VIT: variants seen among roughly 807,000 people sequenced by gnomAD.
The protein encoded by VIT is vitrin.
Under a neutral mutation model 78.0 loss-of-function variants are expected in VIT, and 99 were observed. That is an observed-to-expected ratio of 1.27 (90% CI 1.08 to 1.50). The LOEUF is 1.50. VIT is among the 40% of genes most tolerant of loss of function. VIT has a pLI of 0.00. For missense variants in VIT, 1,126 were observed against 875.3 expected (o/e 1.29, Z -3.61); for synonymous variants, 374 against 334.3 (o/e 1.12, Z -1.29).
At chr2:36,795,869 G>A (rs1478130151) in intron 12 of VIT, among the ~76,000 whole-genome samples, 1 of 152,136 alleles carries the variant, frequency 6.6e-6, no homozygotes, top group Non-Finnish European at 1.5e-5. Context: ...CAAGAAGCTG[G>A]GTTGTGGCTT....
chr2:36,807,030 TCCC>T (rs1666780862), intron 14 of VIT, among the ~76,000 whole-genome samples: 1 of 152,066 alleles, frequency 6.6e-6, no homozygotes, highest in African/African-American at 2.4e-5. Context: ...CACACACCCA[TCCC>T]AGAGGGCAGT....
intron 13 of VIT, among the ~76,000 whole-genome samples, chr2:36,804,858 T>C (rs955675822): frequency 6.6e-5 from 10 of 151,688 alleles, no homozygotes; most frequent in African/African-American, 2.4e-4. Flanking sequence ...CTTTCTCACC[T>C]GCTTGCTGTC....
chr2:36,773,693 C>A, intron 7 of VIT, 98 bp from the exon 8 acceptor site: 1 of 1,116,288 alleles, frequency 9.0e-7, no homozygotes, highest in South Asian at 2.6e-5. Flanking sequence ...CACTGCACTC[C>A]AGCTCTGGGC....
chr2:36,745,756 G>T (rs13029507), intron 4 of VIT, among the ~76,000 whole-genome samples: 6 of 151,886 alleles, frequency 4.0e-5, no homozygotes, highest in African/African-American at 1.2e-4. Context: ...GTGAAGAGAG[G>T]GAGTTTGACT....
intron 7 of VIT, among the ~76,000 whole-genome samples, chr2:36,770,218 T>C: frequency 6.6e-6 from 1 of 152,182 alleles, no homozygotes; most frequent in East Asian, 1.9e-4. Flanking sequence ...GATGAACACA[T>C]CCCATCAAGA....
In VIT at chr2:36,808,818, G is replaced by C; in HGVS notation, c.1736G>C (p.Arg579Thr). 6.2e-7 allele frequency: 1 copy of C among 1,614,206 alleles called. No individual in the cohort carries two copies. The highest frequency in any genetic ancestry group is 1.1e-5 in the South Asian group (1 of 91,086). The change falls in exon 15 of 16, where the codon AGG becomes ACG. Residue 579 changes from arginine to threonine, a missense_variant. By Grantham distance (71) the Arg-to-Thr change is moderately conservative (BLOSUM62 -1). Coordinates refer to ENST00000379242, the MANE Select transcript of VIT (RefSeq NM_053276.4). ...CCTGACATCCTCAACGCCATCAAGAGGGTGGGCTACTGGAGTGGTGGCACC... is the reference window on the plus strand; with the variant it reads ...CCTGACATCCTCAACGCCATCAAGACGGTGGGCTACTGGAGTGGTGGCACC... ...SKPDILNAIKRVGYWSGGTST... is the reference protein window; with the variant it reads ...SKPDILNAIKTVGYWSGGTST...
chr2:36,726,571 G>C (rs966397925), intron 2 of VIT, among the ~76,000 whole-genome samples: 1 of 152,086 alleles, frequency 6.6e-6, no homozygotes, highest in African/African-American at 2.4e-5. Context: ...GGCCGGGTGT[G>C]GTGGCTCATG....
chr2:36,749,860 T>C (rs958698195), intron 4 of VIT, among the ~76,000 whole-genome samples: 5 of 152,250 alleles, frequency 3.3e-5, no homozygotes, highest in Admixed American at 2.6e-4. Flanking sequence ...AGAGAAAATA[T>C]ATAAAATTCA....
intron 1 of VIT, among the ~76,000 whole-genome samples, chr2:36,699,150 C>A (rs979225338): frequency 1.3e-5 from 2 of 152,040 alleles, no homozygotes; most frequent in Non-Finnish European, 2.9e-5. Context: ...GCAGTGGGGA[C>A]AAGACAGAAC....
In VIT at chr2:36,782,367, T is replaced by C. The variant is rs533424518; in HGVS notation, c.847+596T>C. 6.6e-5 allele frequency among the ~76,000 whole-genome samples: 10 copies of C among 152,306 alleles called. 1 individual carries two copies. The South Asian group carries it at 2.1e-3, about 32-fold the overall frequency. Reference sequence around the variant, plus strand: ...AATGCTGTTAGCCACCCAAAGTGAATGTTTAAAATGATGTGAGGAAGTGGG... The same window carrying C: ...AATGCTGTTAGCCACCCAAAGTGAACGTTTAAAATGATGTGAGGAAGTGGG... On this transcript the variant is annotated intron_variant, in intron 10 of 15. Coordinates refer to ENST00000379242, the MANE Select transcript of VIT (RefSeq NM_053276.4).
chr2:36,794,833 G>C (rs1665753660), intron 12 of VIT, among the ~76,000 whole-genome samples: 1 of 151,924 alleles, frequency 6.6e-6, no homozygotes, highest in Non-Finnish European at 1.5e-5. Context: ...ATCCATCCAG[G>C]GAGGCAATAT....
intron 2 of VIT, among the ~76,000 whole-genome samples, chr2:36,728,116 AG>A: frequency 6.6e-6 from 1 of 151,846 alleles, no homozygotes; most frequent in Admixed American, 6.6e-5. Context: ...TTTTTAGTAG[AG>A]ACAGGGTTTC....
intron 11 of VIT, 63 bp from the exon 12 acceptor site, chr2:36,787,066 A>G: frequency 6.3e-7 from 1 of 1,593,046 alleles, no homozygotes; most frequent in South Asian, 1.1e-5. Context: ...GAGGAACAAG[A>G]GGATGCCCAG....
At chr2:36,787,098 G>A (rs765893474) in intron 11 of VIT, 31 bp from the exon 12 acceptor site, 2 of 1,612,500 alleles carry the variant, frequency 1.2e-6, no homozygotes, top group Non-Finnish European at 1.7e-6. Flanking sequence ...GAGAGATCAT[G>A]AGAATAATAG....
chr2:36,765,435 A>G (rs12620835), intron 6 of VIT, among the ~76,000 whole-genome samples: 7,337 of 135,004 alleles, frequency 0.054, 573 homozygotes, highest in African/African-American at 0.16. Flanking sequence ...GAGAGAGAGA[A>G]AGAGAGAGAG....
intron 1 of VIT, among the ~76,000 whole-genome samples, chr2:36,704,177 C>T (rs561079804): frequency 1.7e-4 from 26 of 152,092 alleles, no homozygotes; most frequent in African/African-American, 6.0e-4. Context: ...CCACCCACCT[C>T]GGCCTCCCAA....
In VIT at chr2:36,787,337, C is replaced by G. The variant is rs1665175360; in HGVS notation, c.1058+61C>G. The G allele has an allele frequency of 1.9e-6, 3 of 1,559,198 alleles. No individual in the cohort carries two copies. In the South Asian group the frequency reaches 3.6e-5, roughly 19 times the overall value. On this transcript the variant is annotated intron_variant, in intron 12 of 15. Coordinates refer to ENST00000379242, the MANE Select transcript of VIT (RefSeq NM_053276.4). ...GTCATGCCATGTGCTTAATTTTATG[C>G]CACGTGCTTAATTTTATGCCACAAA...
At chr2:36,730,093 C>T (rs963088500) in intron 3 of VIT, among the ~76,000 whole-genome samples, 1 of 151,852 alleles carries the variant, frequency 6.6e-6, no homozygotes, top group African/African-American at 2.4e-5. Context: ...GTCAGGAGTT[C>T]GAGACCAGCC....
rs1396492462 is a variant in VIT, at chr2:36,743,215, GT to G, written c.235del (p.Tyr79MetfsTer58). The stretch of plus-strand genomic sequence containing the variant: ...AATACCATGTTTATGGCACTGACGT[GT>G]ATGCATCCTACTCCAGTGTGTGTGG... Reference protein sequence around the residue: ...PKYHVYGTDVYASYSSVCGAA... With the variant: ...PKYHVYGTDVXASYSSVCGAA... On this transcript the variant is annotated frameshift_variant, in exon 4 of 16. Transcript: ENST00000379242. LOFTEE classifies it high-confidence loss of function. 2 of 1,614,092 alleles carry G rather than the reference GT, an allele frequency of 1.2e-6. No homozygotes were observed. Among genetic ancestry groups the G allele is most frequent in the South Asian group, 2.2e-5 (2 of 91,070 alleles).
Sources: gnomAD v4.1 joint callset for allele counts (sites outside exome capture counted in the v4.1 genomes callset) on GRCh38, gnomAD v4.1.1 for gene constraint, MANE v1.5 for transcripts, NCBI Gene and HGNC (gene_info 2026-07-23, HGNC 2026-07-21) for gene names.